The following NEXMIF variants were observed in gnomAD, a reference collection of about 807,000 sequenced individuals.
NEXMIF encodes the protein XLMR protein related to neurite extension.
A neutral mutation model predicts 62.1 loss-of-function variants in NEXMIF; 8 were observed. That is an observed-to-expected ratio of 0.13 (90% CI 0.08 to 0.23). The LOEUF (loss-of-function observed/expected upper bound fraction) is 0.23. NEXMIF is among the 10% of genes least tolerant of loss of function. The pLI is 1.00. For missense variants in NEXMIF, 976 were observed against 1,113.3 expected (o/e 0.88, Z 1.75); for synonymous variants, 404 against 416.6 (o/e 0.97, Z 0.37).
intron 1 of NEXMIF, among the ~76,000 whole-genome samples, chrX:74,760,367 T>C (rs2080172135): frequency 8.9e-6 from 1 of 111,797 alleles, no homozygotes; most frequent in Non-Finnish European, 1.9e-5. Flanking sequence ...CTCTTCCTAT[T>C]TGGATGCCCT....
chrX:74,891,316 G>GT (rs58531496), intron 1 of NEXMIF, among the ~76,000 whole-genome samples: 3,818 of 96,274 alleles, frequency 0.04, 98 homozygotes, highest in Non-Finnish European at 0.066. Context: ...ATTCAGGAGG[G>GT]TTTTTTTTTT....
intron 1 of NEXMIF, among the ~76,000 whole-genome samples, chrX:74,884,673 T>A (rs903668569): frequency 9.0e-6 from 1 of 111,419 alleles, no homozygotes; most frequent in African/African-American, 3.3e-5. Flanking sequence ...ACAAAGTGAC[T>A]TAGACTCCCA....
In NEXMIF at chrX:74,912,865, C is replaced by T. The variant is rs1262307738; in HGVS notation, c.-48+12018G>A. The stretch of plus-strand genomic sequence containing the variant: ...CCCCTAACAAGCAATAATGAGAAGT[C>T]CTGCCCTCCAACTGTCAACAAGCAA... On this transcript the variant is annotated intron_variant, in intron 1 of 3. Transcript: ENST00000055682. Among the ~76,000 whole-genome samples, 11 of 111,564 alleles carry T rather than the reference C, an allele frequency of 9.9e-5. No homozygotes were observed. The East Asian group carries it at 3.1e-3, about 31-fold the overall frequency.
In NEXMIF at chrX:74,784,547, A is replaced by T. The variant is rs2080255190; in HGVS notation, c.-47-38850T>A. On this transcript the variant is annotated intron_variant, in intron 1 of 3. Transcript: ENST00000055682. Reference sequence around the variant, plus strand: ...AGAATAGCTCTAGCTCTCTTTACTCATATGTATAATAATCCCTCACATTTA... The same window carrying T: ...AGAATAGCTCTAGCTCTCTTTACTCTTATGTATAATAATCCCTCACATTTA... Among the ~76,000 whole-genome samples the T allele has an allele frequency of 3.6e-5, 4 of 110,622 alleles. No individual in the cohort carries two copies. In the Admixed American group the frequency reaches 3.9e-4, roughly 11 times the overall value.
intron 1 of NEXMIF, among the ~76,000 whole-genome samples, chrX:74,886,469 A>T (rs1190433083): frequency 8.9e-6 from 1 of 112,056 alleles, no homozygotes; most frequent in Admixed American, 9.5e-5. Context: ...TAGAAAATCA[A>T]TGTACAAAAA....
chrX:74,885,023 G>A (rs935160219), intron 1 of NEXMIF, among the ~76,000 whole-genome samples: 1 of 110,389 alleles, frequency 9.1e-6, no homozygotes, highest in Non-Finnish European at 1.9e-5. Flanking sequence ...CATGGAAACT[G>A]AACAACCTGC....
At chrX:74,840,563 C>A in intron 1 of NEXMIF, among the ~76,000 whole-genome samples, 1 of 111,822 alleles carries the variant, frequency 8.9e-6, no homozygotes, top group South Asian at 3.7e-4. Flanking sequence ...TTTGGCCATT[C>A]CTATGTCTAG....
intron 1 of NEXMIF, among the ~76,000 whole-genome samples, chrX:74,844,432 G>C (rs1255225825): frequency 9.0e-6 from 1 of 111,497 alleles, no homozygotes; most frequent in Non-Finnish European, 1.9e-5. Flanking sequence ...AAACTAATGG[G>C]TTGTGCTTTG....
intron 1 of NEXMIF, among the ~76,000 whole-genome samples, chrX:74,855,201 T>C (rs1168428519): frequency 1.8e-5 from 2 of 111,716 alleles, no homozygotes; most frequent in Non-Finnish European, 3.8e-5. Context: ...CAGCATGATA[T>C]TGGTATAAAA....
At chrX:74,869,613 T>C (rs78386561) in intron 1 of NEXMIF, among the ~76,000 whole-genome samples, 20 of 111,903 alleles carry the variant, frequency 1.8e-4, no homozygotes, top group African/African-American at 6.5e-4. Context: ...GAAAAACAAA[T>C]TCAGTAAAGT....
At chrX:74,919,556 A>G (rs1422477706) in intron 1 of NEXMIF, among the ~76,000 whole-genome samples, 1 of 111,400 alleles carries the variant, frequency 9.0e-6, no homozygotes, top group Non-Finnish European at 1.9e-5. Flanking sequence ...TGGTCACTCT[A>G]CTTATAGTCC....
chrX:74,796,988 T>C (rs1442584540), intron 1 of NEXMIF, among the ~76,000 whole-genome samples: 5 of 111,884 alleles, frequency 4.5e-5, no homozygotes, highest in Non-Finnish European at 9.4e-5. Flanking sequence ...TGATAATTAG[T>C]AGTGATGTCT....
intron 1 of NEXMIF, among the ~76,000 whole-genome samples, chrX:74,877,434 A>C (rs12689328): frequency 0.065 from 7,168 of 110,203 alleles, 262 homozygotes; most frequent in South Asian, 0.13. Context: ...TTTTTTCCTT[A>C]ATTTCAACTT....
In NEXMIF at chrX:74,763,717, C is replaced by T. The variant is rs1297248180; in HGVS notation, c.-47-18020G>A. Among the ~76,000 whole-genome samples, 26 of 13,265 alleles carry T rather than the reference C, an allele frequency of 2.0e-3. No individual in the cohort carries two copies. In the Non-Finnish European group the frequency reaches 0.13, roughly 67 times the overall value. 11.5% of individuals were successfully genotyped at this position (13,265 alleles called of 115,157 possible). ...AAGTTGAATTCCTAGGTATTTTGTTCTCTTTGAAGCCAATTGTGAATGGGA... is the reference window on the plus strand; with the variant it reads ...AAGTTGAATTCCTAGGTATTTTGTTTTCTTTGAAGCCAATTGTGAATGGGA... On this transcript the variant is annotated intron_variant, in intron 1 of 3. Coordinates refer to ENST00000055682, the MANE Select transcript of NEXMIF (RefSeq NM_001008537.3).
At chrX:74,908,083 G>C (rs2080775087) in intron 1 of NEXMIF, among the ~76,000 whole-genome samples, 2 of 111,672 alleles carry the variant, frequency 1.8e-5, no homozygotes, top group African/African-American at 6.5e-5. Context: ...ACATGGAACA[G>C]AGCCTCCTAG....
intron 1 of NEXMIF, among the ~76,000 whole-genome samples, chrX:74,854,134 T>C (rs1230795110): frequency 9.0e-6 from 1 of 111,560 alleles, no homozygotes; most frequent in Non-Finnish European, 1.9e-5. Context: ...CAACAAAAAC[T>C]ACAGGCCAAT....
chrX:74,736,534 T>C lies in NEXMIF; in HGVS notation c.*2871A>G, dbSNP rs563179382. 1.8e-5 allele frequency: 2 copies of C among 111,363 alleles called. No homozygotes were observed. The highest frequency in any genetic ancestry group is 7.6e-4 in the South Asian group (2 of 2,626). The allele number at this position is 111,363 out of a possible 1,213,427, so 9.2% of individuals were successfully genotyped here. On this transcript the variant is annotated 3_prime_UTR_variant, in exon 4 of 4. Coordinates refer to ENST00000055682, the MANE Select transcript of NEXMIF (RefSeq NM_001008537.3). ...ATATATTTCTGACTTGAGATACCAG[T>C]GATAGGGCAAAACACTATTTTTATA...
intron 1 of NEXMIF, among the ~76,000 whole-genome samples, chrX:74,803,244 G>T (rs2080335096): frequency 9.0e-6 from 1 of 111,674 alleles, no homozygotes; most frequent in Non-Finnish European, 1.9e-5. Context: ...TTGACCCAAA[G>T]ACTACCTCAA....
At chrX:74,826,412 T>A (rs2080417573) in intron 1 of NEXMIF, among the ~76,000 whole-genome samples, 1 of 112,257 alleles carries the variant, frequency 8.9e-6, no homozygotes, top group Admixed American at 9.5e-5. Flanking sequence ...ATTCTGGACA[T>A]TAGACCTTTG....
Sources: gnomAD v4.1 joint callset for allele counts (sites outside exome capture counted in the v4.1 genomes callset) on GRCh38, gnomAD v4.1.1 for gene constraint, MANE v1.5 for transcripts, NCBI Gene and HGNC (gene_info 2026-07-23, HGNC 2026-07-21) for gene names.